FOXP1: variants seen among roughly 807,000 people sequenced by gnomAD.
The protein encoded by FOXP1 is forkhead box P1.
FOXP1 carries 15 observed loss-of-function variants against 98.2 expected under a neutral mutation model. That is an observed-to-expected ratio of 0.15 (90% CI 0.10 to 0.24). FOXP1 has a LOEUF of 0.24. Ranked by LOEUF, FOXP1 falls within the 10% of genes least tolerant of loss-of-function variation. FOXP1 has a pLI of 1.00. For synonymous variants in FOXP1, 371 were observed against 314.5 expected (o/e 1.18, Z -1.90); for missense variants, 633 against 848.5 (o/e 0.75, Z 3.15).
chr3:71,490,855 C>T (rs984343094), intron 3 of FOXP1, among the ~76,000 whole-genome samples: 1 of 152,154 alleles, frequency 6.6e-6, no homozygotes, highest in Non-Finnish European at 1.5e-5. Flanking sequence ...CAGACTCTCT[C>T]AATACCAAAG....
chr3:71,130,816 G>A, intron 6 of FOXP1: 1 of 1,432,388 alleles, frequency 7.0e-7, no homozygotes, highest in Non-Finnish European at 9.1e-7. Flanking sequence ...GTTGGAGCTT[G>A]CAGGTAATTT....
At chr3:71,111,949 T>C (rs2057966960) in intron 7 of FOXP1, among the ~76,000 whole-genome samples, 1 of 152,146 alleles carries the variant, frequency 6.6e-6, no homozygotes, top group Admixed American at 6.5e-5. Flanking sequence ...TAGTTCTTGA[T>C]GCTATTGACA....
At chr3:71,411,301 GTGTGTGTGTGTGTGTGTA>G (rs2082716493) in intron 3 of FOXP1, among the ~76,000 whole-genome samples, 1 of 149,420 alleles carries the variant, frequency 6.7e-6, no homozygotes, top group African/African-American at 2.5e-5. Flanking sequence ...GTGTGTGTGT[GTGTGTGTGTGTGTGTGTA>G]TGTGTGTGTG....
At chr3:71,082,406 C>T (rs2054533917) in intron 7 of FOXP1, among the ~76,000 whole-genome samples, 1 of 148,596 alleles carries the variant, frequency 6.7e-6, no homozygotes, top group East Asian at 2.0e-4. Flanking sequence ...CGTTCTCACT[C>T]GTAAGTGGGA....
In FOXP1 at chr3:71,527,741, T is replaced by C. The variant is rs535564163; in HGVS notation, c.-297-34186A>G. On this transcript the variant is annotated intron_variant, in intron 2 of 20. Transcript: ENST00000649528. The stretch of plus-strand genomic sequence containing the variant: ...GGGGAAAAAACAAAGAGAAAAAAAA[T>C]ATATGTTTGTGTGATGCTGGGCCAT... Among the ~76,000 whole-genome samples the C allele has an allele frequency of 3.3e-5, 5 of 152,202 alleles. No homozygotes were observed. The East Asian group carries it at 9.6e-4, about 29-fold the overall frequency.
chr3:71,286,738 T>C (rs761637454), intron 5 of FOXP1, among the ~76,000 whole-genome samples: 1 of 152,176 alleles, frequency 6.6e-6, no homozygotes, highest in Non-Finnish European at 1.5e-5. Flanking sequence ...ACCAACTTAA[T>C]GTCTAGAAAT....
intron 5 of FOXP1, among the ~76,000 whole-genome samples, chr3:71,282,141 C>T (rs1036562256): frequency 2.0e-5 from 3 of 151,736 alleles, no homozygotes; most frequent in Non-Finnish European, 4.4e-5. Context: ...GAAGATAAGC[C>T]GAGAAGATCC....
intron 5 of FOXP1, among the ~76,000 whole-genome samples, chr3:71,298,422 G>A (rs1388388863): frequency 2.0e-5 from 3 of 151,752 alleles, no homozygotes; most frequent in African/African-American, 4.8e-5. Context: ...CCGAGATCCC[G>A]CCACTGCACT....
intron 7 of FOXP1, among the ~76,000 whole-genome samples, chr3:71,108,714 G>A (rs921838214): frequency 6.6e-5 from 10 of 152,060 alleles, no homozygotes; most frequent in African/African-American, 2.4e-4. Context: ...GCAGTGAGCC[G>A]AGATCGCTCC....
chr3:71,414,503 C>CTT (rs1419168097), intron 3 of FOXP1, among the ~76,000 whole-genome samples: 1 of 152,258 alleles, frequency 6.6e-6, no homozygotes, highest in Non-Finnish European at 1.5e-5. Context: ...CACCAATATA[C>CTT]TTGTCTGCCA....
At chr3:71,404,120 CTTTTTTTTTTTTTTT>C (rs869086663) in intron 3 of FOXP1, among the ~76,000 whole-genome samples, 2 of 62,702 alleles carry the variant, frequency 3.2e-5, no homozygotes, top group African/African-American at 1.3e-4. Flanking sequence ...TTTTCTTTTT[CTTTTTTTTTTTTTTT>C]TTTTTTTTTG....
At chr3:71,013,788 G>A (rs1324290781) in intron 12 of FOXP1, among the ~76,000 whole-genome samples, 2 of 152,172 alleles carry the variant, frequency 1.3e-5, no homozygotes, top group East Asian at 3.9e-4. Context: ...CATGGTACTG[G>A]TACTACAACA....
At chr3:70,960,841 A>ATTT (rs549719513) in intron 20 of FOXP1, among the ~76,000 whole-genome samples, 4 of 137,266 alleles carry the variant, frequency 2.9e-5, no homozygotes, top group South Asian at 2.3e-4. Context: ...TAAAAAAATA[A>ATTT]TTTTTTTTTT....
intron 20 of FOXP1, among the ~76,000 whole-genome samples, chr3:70,963,293 C>T (rs774381334): frequency 2.0e-5 from 3 of 152,120 alleles, no homozygotes; most frequent in Non-Finnish European, 2.9e-5. Context: ...AGTAAGGTTT[C>T]GAAACTTTAG....
At chr3:71,331,581 A>G (rs1024295851) in intron 4 of FOXP1, among the ~76,000 whole-genome samples, 1 of 152,252 alleles carries the variant, frequency 6.6e-6, no homozygotes, top group African/African-American at 2.4e-5. Context: ...GGGGACTTGG[A>G]GAATCTTCAC....
chr3:71,536,852 G>A (rs1437281431), intron 2 of FOXP1, among the ~76,000 whole-genome samples: 1 of 152,116 alleles, frequency 6.6e-6, no homozygotes. Context: ...GGTGGGAGAA[G>A]ACACCCTCTA....
intron 6 of FOXP1, among the ~76,000 whole-genome samples, chr3:71,161,210 A>G (rs1368415941): frequency 1.3e-5 from 2 of 152,174 alleles, no homozygotes; most frequent in African/African-American, 4.8e-5. Context: ...AAAACGCAGA[A>G]GGCTTAAAAT....
At chr3:71,380,668 C>G (rs1246207742) in intron 3 of FOXP1, among the ~76,000 whole-genome samples, 1 of 150,474 alleles carries the variant, frequency 6.6e-6, no homozygotes, top group Non-Finnish European at 1.5e-5. Flanking sequence ...ATGAAGTTTC[C>G]TCCACAGTTT....
chr3:70,972,734 ACAG>A (rs2036533954), intron 17 of FOXP1, 58 bp from the exon 18 acceptor site: 1 of 1,577,246 alleles, frequency 6.3e-7, no homozygotes, highest in Non-Finnish European at 8.7e-7. Flanking sequence ...GACTCCAAAA[ACAG>A]CAGTAAATTC....
Sources: allele counts gnomAD v4.1 joint callset (sites outside exome capture counted in the v4.1 genomes callset), GRCh38; gene constraint gnomAD v4.1.1; transcripts MANE v1.5; gene names NCBI Gene and HGNC (gene_info 2026-07-23, HGNC 2026-07-21).